MFHAS1: variants seen among roughly 807,000 people sequenced by gnomAD.
The protein encoded by MFHAS1 is malignant fibrous histiocytoma-amplified sequence 1.
A neutral mutation model predicts 70.4 loss-of-function variants in MFHAS1; 50 were observed. The observed-to-expected ratio is 0.71, with a 90% CI of 0.57 to 0.90. The LOEUF (loss-of-function observed/expected upper bound fraction) is 0.90. Ranked by LOEUF, MFHAS1 falls within the 40% of genes least tolerant of loss-of-function variation. The probability of loss-of-function intolerance (pLI) is 0.00; values close to 1 mark genes in which losing one functional copy is unlikely to be tolerated. For missense variants in MFHAS1, 1,795 were observed against 1,347.6 expected (o/e 1.33, Z -5.20); for synonymous variants, 952 against 620.0 (o/e 1.54, Z -7.96).
intron 2 of MFHAS1, among the ~76,000 whole-genome samples, chr8:8,790,006 G>C (rs1347216444): frequency 6.6e-6 from 1 of 152,006 alleles, no homozygotes; most frequent in Non-Finnish European, 1.5e-5. Context: ...TTCCTGTGTA[G>C]TTCCTGAAGG....
chr8:8,793,664 G>A (rs1805793488), intron 2 of MFHAS1, among the ~76,000 whole-genome samples: 1 of 152,242 alleles, frequency 6.6e-6, no homozygotes, highest in African/African-American at 2.4e-5. Flanking sequence ...GAGGCTGAGA[G>A]CAGACAGCAT....
At chr8:8,883,975 A>C (rs1333065083) in intron 1 of MFHAS1, among the ~76,000 whole-genome samples, 1 of 150,208 alleles carries the variant, frequency 6.7e-6, no homozygotes, top group Admixed American at 6.6e-5. Context: ...AGTGGGGAGG[A>C]CCATTTGAGG....
intron 1 of MFHAS1, among the ~76,000 whole-genome samples, chr8:8,832,425 T>TCACACACACACA (rs35913215): frequency 1.9e-4 from 27 of 143,704 alleles, no homozygotes; most frequent in African/African-American, 6.3e-4. Flanking sequence ...ACAAGATACT[T>TCACACACACACA]CACACACACA....
chr8:8,792,685 G>A (rs1409367148), intron 2 of MFHAS1, among the ~76,000 whole-genome samples: 2 of 152,192 alleles, frequency 1.3e-5, no homozygotes, highest in African/African-American at 4.8e-5. Flanking sequence ...CAAGTTAACT[G>A]CAAATAGGCA....
At chr8:8,862,238 C>G (rs1455696175) in intron 1 of MFHAS1, among the ~76,000 whole-genome samples, 3 of 152,144 alleles carry the variant, frequency 2.0e-5, no homozygotes, top group Admixed American at 6.5e-5. Context: ...GGAACATGCA[C>G]TAGTATCTCC....
intron 1 of MFHAS1, among the ~76,000 whole-genome samples, chr8:8,805,540 AG>A (rs932972794): frequency 6.6e-6 from 1 of 151,794 alleles, no homozygotes; most frequent in Non-Finnish European, 1.5e-5. Context: ...GCTGGGGAGG[AG>A]GGGGAAGAGG....
chr8:8,841,774 C>T (rs567902366), intron 1 of MFHAS1, among the ~76,000 whole-genome samples: 4 of 152,270 alleles, frequency 2.6e-5, no homozygotes, highest in Admixed American at 6.5e-5. Flanking sequence ...CCCACGGGTA[C>T]GAGAGTTTGG....
At chr8:8,886,726 CA>C (rs1809766453) in intron 1 of MFHAS1, among the ~76,000 whole-genome samples, 1 of 152,174 alleles carries the variant, frequency 6.6e-6, no homozygotes, top group African/African-American at 2.4e-5. Flanking sequence ...CCAACTTTTT[CA>C]GCGTTGCATA....
At chr8:8,804,979 G>A (rs1048250140) in intron 1 of MFHAS1, among the ~76,000 whole-genome samples, 3 of 152,140 alleles carry the variant, frequency 2.0e-5, no homozygotes, top group Non-Finnish European at 4.4e-5. Context: ...TGAAAGATAG[G>A]AGGGAGAAGG....
chr8:8,863,073 G>A (rs1808726456), intron 1 of MFHAS1, among the ~76,000 whole-genome samples: 1 of 152,128 alleles, frequency 6.6e-6, no homozygotes, highest in South Asian at 2.1e-4. Context: ...ACAATTATCT[G>A]ATTGTTTTGG....
At chr8:8,865,804 A>C (rs1047167432) in intron 1 of MFHAS1, among the ~76,000 whole-genome samples, 1 of 152,206 alleles carries the variant, frequency 6.6e-6, no homozygotes, top group Non-Finnish European at 1.5e-5. Context: ...GAAGAATTTA[A>C]TTTTCATAGT....
chr8:8,880,962 G>A (rs918997862), intron 1 of MFHAS1, among the ~76,000 whole-genome samples: 4 of 152,120 alleles, frequency 2.6e-5, no homozygotes, highest in African/African-American at 7.2e-5. Context: ...GTGATTACAG[G>A]TGTGAGCCAT....
intron 1 of MFHAS1, among the ~76,000 whole-genome samples, chr8:8,879,343 T>G (rs1185354185): frequency 6.6e-6 from 1 of 151,178 alleles, no homozygotes; most frequent in Non-Finnish European, 1.5e-5. Context: ...AGAGAGAGAC[T>G]CCCATCTCAA....
At chr8:8,792,666 G>C (rs778229674) in intron 2 of MFHAS1, among the ~76,000 whole-genome samples, 6 of 152,138 alleles carry the variant, frequency 3.9e-5, no homozygotes, top group Non-Finnish European at 8.8e-5. Context: ...CTAGGTGTTG[G>C]ATAAGACACA....
Position 8,892,699 on chromosome 8 carries a change from G to A in MFHAS1, c.360C>T (p.His120=), listed in dbSNP as rs1271432472. The change falls in exon 1 of 3, where the codon CAC becomes CAT. Residue 120 remains histidine (H), a synonymous_variant. Coordinates refer to ENST00000276282, the MANE Select transcript of MFHAS1 (RefSeq NM_004225.3). This position sits in a 1 kb window ranked among gnomAD's most constrained non-coding sequence, Gnocchi z 4.7. ...GHHLTELDVS[H]NRLTALGAEV... ...CCGCGCCCAGGGCGGTCAGCCGGTT[G>A]TGGCTCACGTCCAGCTCGGTGAGGT... 3 of 1,582,596 alleles carry A rather than the reference G, an allele frequency of 1.9e-6. No homozygotes were observed. The South Asian group carries it at 3.4e-5, about 18-fold the overall frequency.
chr8:8,850,144 G>T (rs1349138727), intron 1 of MFHAS1, among the ~76,000 whole-genome samples: 1 of 152,144 alleles, frequency 6.6e-6, no homozygotes, highest in African/African-American at 2.4e-5. Context: ...AAATCCCGAG[G>T]CAACTAACAG....
Position 8,841,334 on chromosome 8 carries a change from G to C in MFHAS1, c.2999-43843C>G, listed in dbSNP as rs564883723. On this transcript the variant is annotated intron_variant, in intron 1 of 2. Coordinates refer to ENST00000276282, the MANE Select transcript of MFHAS1 (RefSeq NM_004225.3). ...TACTAAAAATACAAAAATGAGCTGG[G>C]CGTGGTGGCGCACGCCTGTAATCCC... Among the ~76,000 whole-genome samples the C allele has an allele frequency of 2.4e-4, 36 of 152,266 alleles. No individual in the cohort carries two copies. The South Asian group carries it at 7.3e-3, about 31-fold the overall frequency.
chr8:8,793,973 A>T (rs111241589), intron 2 of MFHAS1, among the ~76,000 whole-genome samples: 30,844 of 152,044 alleles, frequency 0.2, 3,419 homozygotes, highest in African/African-American at 0.27. Flanking sequence ...GGATCACTTG[A>T]GGTCAGGAGT....
rs150242082 is a variant in MFHAS1 at position 8,890,652 on chromosome 8, T to C, written c.2407A>G (p.Ile803Val). ...ACATGAGGCTTAAGCAGCAACCGAA[T>C]GACATGAGCTGGCAAGAGCCCATGC... Reference protein sequence around the residue: ...LLHGLLPAHVIRLLLKPHVQA... With the variant: ...LLHGLLPAHVVRLLLKPHVQA... Residue 803 changes from isoleucine to valine, a missense_variant, in exon 1 of 3, where the codon ATT becomes GTT. Transcript: ENST00000276282. 6.2e-7 allele frequency: 1 copy of C among 1,613,520 alleles called. No individual in the cohort carries two copies. The highest frequency in any genetic ancestry group is 8.5e-7 in the Non-Finnish European group (1 of 1,179,640).
Sources: allele counts gnomAD v4.1 joint callset (sites outside exome capture counted in the v4.1 genomes callset), GRCh38; gene constraint gnomAD v4.1.1; non-coding constraint Gnocchi (gnomAD v3.1); transcripts MANE v1.5; gene names NCBI Gene and HGNC (gene_info 2026-07-23, HGNC 2026-07-21).